Variants in ADK observed in about 807,000 individuals in gnomAD.
The protein encoded by ADK is adenosine kinase, also known as N6,N6-dimethyladenosine kinase.
A neutral mutation model predicts 44.7 loss-of-function variants in ADK; 24 were observed. The observed-to-expected ratio is 0.54, with a 90% CI of 0.39 to 0.76. ADK has a LOEUF of 0.76. ADK is among the 30% of genes least tolerant of loss of function. ADK has a pLI of 0.00. For synonymous variants in ADK, 128 were observed against 142.6 expected, an observed-to-expected ratio of 0.90 and a Z score of 0.73; for missense variants, 321 against 425.1, an observed-to-expected ratio of 0.76 and a Z score of 2.15.
intron 7 of ADK, among the ~76,000 whole-genome samples, chr10:74,577,937 T>C (rs1460370350): frequency 6.6e-6 from 1 of 152,202 alleles, no homozygotes; most frequent in African/African-American, 2.4e-5. Flanking sequence ...TTGTGTTTTA[T>C]GTAGAGTTTC....
chr10:74,303,588 G>GTTTCTTTTTTTTT (rs1840141232), intron 3 of ADK, among the ~76,000 whole-genome samples: 2 of 68,578 alleles, frequency 2.9e-5, no homozygotes, highest in African/African-American at 1.6e-4. Context: ...TTTTAATGTT[G>GTTTCTTTTTTTTT]TTTTTTTTTT....
chr10:74,289,016 C>T (rs1591991865), intron 3 of ADK, among the ~76,000 whole-genome samples: 1 of 151,982 alleles, frequency 6.6e-6, no homozygotes, highest in Non-Finnish European at 1.5e-5. Flanking sequence ...ATAAAAATAA[C>T]AGAATGAAGC....
chr10:74,388,510 G>T (rs1381033740), intron 4 of ADK, among the ~76,000 whole-genome samples: 2 of 151,756 alleles, frequency 1.3e-5, no homozygotes, highest in Non-Finnish European at 2.9e-5. Context: ...ATAGCTCTTC[G>T]TTTATATAAG....
intron 3 of ADK, among the ~76,000 whole-genome samples, chr10:74,233,258 A>G (rs1564609124): frequency 6.6e-6 from 1 of 152,194 alleles, no homozygotes. Context: ...AAAAATCGCT[A>G]AACTGCCTTT....
chr10:74,528,916 G>A (rs1185162117), intron 7 of ADK, among the ~76,000 whole-genome samples: 1 of 152,084 alleles, frequency 6.6e-6, no homozygotes, highest in Non-Finnish European at 1.5e-5. Context: ...GTGTATTGCT[G>A]GTGGGAATGT....
chr10:74,315,180 G>A (rs1339129845), intron 4 of ADK, among the ~76,000 whole-genome samples: 1 of 151,722 alleles, frequency 6.6e-6, no homozygotes, highest in African/African-American at 2.4e-5. Context: ...AAACTTTATG[G>A]CTTCTTCATT....
At chr10:74,442,676 G>A (rs1845461667) in intron 6 of ADK, among the ~76,000 whole-genome samples, 1 of 151,934 alleles carries the variant, frequency 6.6e-6, no homozygotes, top group Non-Finnish European at 1.5e-5. Context: ...TAAATAAACG[G>A]AAATGAAATC....
chr10:74,307,653 C>T (rs370156567), intron 3 of ADK, among the ~76,000 whole-genome samples: 8 of 152,218 alleles, frequency 5.3e-5, no homozygotes, highest in African/African-American at 1.9e-4. Context: ...TGATGAGTGA[C>T]ATTTTTTGAA....
intron 10 of ADK, among the ~76,000 whole-genome samples, chr10:74,674,783 G>A (rs1228481751): frequency 6.6e-6 from 1 of 152,202 alleles, no homozygotes; most frequent in African/African-American, 2.4e-5. Context: ...TTGGGTGGCT[G>A]AGGCAGGAGA....
intron 9 of ADK, among the ~76,000 whole-genome samples, chr10:74,665,341 T>C (rs1246572161): frequency 6.6e-6 from 1 of 152,222 alleles, no homozygotes; most frequent in Non-Finnish European, 1.5e-5. Flanking sequence ...AGTCATACTT[T>C]TCACTTTCTG....
chr10:74,642,827 C>CTTTTTTTTT (rs770015945), intron 9 of ADK, among the ~76,000 whole-genome samples: 1 of 77,492 alleles, frequency 1.3e-5, no homozygotes. Context: ...ATCTTAAGTT[C>CTTTTTTTTT]TTTTTTTTTT....
intron 6 of ADK, among the ~76,000 whole-genome samples, chr10:74,508,161 A>G (rs1376717143): frequency 6.6e-6 from 1 of 152,164 alleles, no homozygotes; most frequent in Non-Finnish European, 1.5e-5. Context: ...TCAATTTACT[A>G]GGAAAAGAAG....
At chr10:74,275,188 C>G (rs895378470) in intron 3 of ADK, among the ~76,000 whole-genome samples, 2 of 151,998 alleles carry the variant, frequency 1.3e-5, no homozygotes, top group African/African-American at 4.8e-5. Flanking sequence ...CTCATGTAGT[C>G]GACCTTTCCT....
intron 6 of ADK, among the ~76,000 whole-genome samples, chr10:74,495,207 C>T (rs1172739328): frequency 6.6e-6 from 1 of 151,952 alleles, no homozygotes; most frequent in Non-Finnish European, 1.5e-5. Context: ...TAAATTTAGA[C>T]AATAAGTCAG....
chr10:74,244,034 TGAG>T (rs926594740), intron 3 of ADK, among the ~76,000 whole-genome samples: 9 of 152,162 alleles, frequency 5.9e-5, no homozygotes, highest in Non-Finnish European at 1.3e-4. Context: ...GGTTAAGCTC[TGAG>T]GAGATTTCAG....
chr10:74,453,739 T>C (rs1021142449), intron 6 of ADK, among the ~76,000 whole-genome samples: 4 of 152,132 alleles, frequency 2.6e-5, no homozygotes, highest in Admixed American at 2.6e-4. Flanking sequence ...TATAAACTTA[T>C]AATTCAATAG....
At chr10:74,492,886 T>C (rs979336726) in intron 6 of ADK, among the ~76,000 whole-genome samples, 4 of 152,188 alleles carry the variant, frequency 2.6e-5, no homozygotes, top group Non-Finnish European at 5.9e-5. Flanking sequence ...TACCATAAAG[T>C]TACCATTTTC....
rs1405006252 is a variant in ADK at position 74,188,930 on chromosome 10, G to A, written c.66-11834G>A. ...TGGGACTATAGGCGTGCACCACCAC[G>A]CCAGGCTGATTTTTGTATTTTTAGT... is the stretch of plus-strand genomic sequence containing the variant. On this transcript the variant is annotated intron_variant, in intron 1 of 10. Coordinates refer to ENST00000539909, the MANE Select transcript of ADK (RefSeq NM_006721.4). Among the ~76,000 whole-genome samples, 4 of 151,792 alleles carry A rather than the reference G, an allele frequency of 2.6e-5. 1 individual carries two copies. Among genetic ancestry groups the A allele is most frequent in the Admixed American group, 1.3e-4 (2 of 15,248 alleles).
intron 9 of ADK, among the ~76,000 whole-genome samples, chr10:74,638,888 C>A (rs1411878704): frequency 1.3e-5 from 2 of 151,948 alleles, no homozygotes; most frequent in Admixed American, 1.3e-4. Flanking sequence ...CACTGCAACC[C>A]CTTCTTCCTC....
Sources: gnomAD v4.1 joint callset for allele counts (sites outside exome capture counted in the v4.1 genomes callset) on GRCh38, gnomAD v4.1.1 for gene constraint, MANE v1.5 for transcripts, NCBI Gene and HGNC (gene_info 2026-07-23, HGNC 2026-07-21) for gene names.